SLC5A9: variants seen among roughly 807,000 people sequenced by gnomAD.
SLC5A9 encodes solute carrier family 5 member 9.
A neutral mutation model predicts 70.9 loss-of-function variants in SLC5A9; 59 were observed. The ratio of observed to expected loss-of-function variants is 0.83; its 90% CI spans 0.68 to 1.03. The LOEUF is 1.03. Ranked by LOEUF, SLC5A9 falls within the 50% of genes least tolerant of loss-of-function variation. The probability of loss-of-function intolerance (pLI) is 0.00; values close to 1 mark genes in which losing one functional copy is unlikely to be tolerated. For synonymous variants in SLC5A9, 340 were observed against 346.5 expected (o/e 0.98, Z 0.21); for missense variants, 832 against 881.1 (o/e 0.94, Z 0.71).
chr1:48,241,890 C>T, intron 12 of SLC5A9: 1 of 456,062 alleles, frequency 2.2e-6, no homozygotes, highest in South Asian at 1.5e-5. Context: ...CCTCACCTGG[C>T]TCTTTCAGTC....
chr1:48,225,829 C>A lies in SLC5A9; in HGVS notation c.234+1034C>A, dbSNP rs191329195. Reference sequence around the variant, plus strand: ...TGTCACAATCACATACACTCACATGCAGTCTCACACTCATGCTCCTTTACA... The same window carrying A: ...TGTCACAATCACATACACTCACATGAAGTCTCACACTCATGCTCCTTTACA... On this transcript the variant is annotated intron_variant, in intron 2 of 13. Transcript: ENST00000438567. Among the ~76,000 whole-genome samples the A allele has an allele frequency of 1.3e-4, 20 of 152,286 alleles. No individual in the cohort carries two copies. In the East Asian group the frequency reaches 3.5e-3, roughly 26 times the overall value.
intron 5 of SLC5A9, 45 bp from the exon 6 acceptor site, chr1:48,231,500 C>T (rs773068561): frequency 1.4e-5 from 23 of 1,609,408 alleles, no homozygotes; most frequent in Non-Finnish European, 1.9e-5. Context: ...CCAGAGAGGA[C>T]CCCAAACTGG....
At chr1:48,243,889 A>G (rs1644419949) in intron 13 of SLC5A9, among the ~76,000 whole-genome samples, 1 of 152,244 alleles carries the variant, frequency 6.6e-6, no homozygotes, top group South Asian at 2.1e-4. Context: ...CCTCAGTGAA[A>G]GAAAGTCTTA....
intron 2 of SLC5A9, among the ~76,000 whole-genome samples, chr1:48,227,628 A>T (rs1644183147): frequency 6.8e-6 from 1 of 146,598 alleles, no homozygotes; most frequent in South Asian, 2.2e-4. Context: ...CATGTGTGAG[A>T]GTGTGTGTGT....
In SLC5A9 at chr1:48,247,476, A is replaced by G. The variant is rs758692069; in HGVS notation, c.1979A>G (p.His660Arg). The change falls in exon 14 of 14, where the codon CAT (histidine) becomes CGT (arginine). Residue 660 changes from histidine to arginine, a missense_variant. Coordinates refer to ENST00000438567, the MANE Select transcript of SLC5A9 (RefSeq NM_001011547.3). ...TSIEEEPLWR[H>R]VCNINAVLLL... The stretch of plus-strand genomic sequence containing the variant: ...ATTGAGGAGGAGCCACTCTGGAGAC[A>G]TGTCTGCAACATCAATGCTGTCCTT... 1.1e-5 allele frequency: 17 copies of G among 1,614,176 alleles called. No homozygotes were observed. The South Asian group carries it at 1.5e-4, about 15-fold the overall frequency.
Position 48,248,212 on chromosome 1 carries a change from C to T in SLC5A9, c.*669C>T, listed in dbSNP as rs1160759198. On this transcript the variant is annotated 3_prime_UTR_variant, in exon 14 of 14. Transcript: ENST00000438567. Reference sequence around the variant, plus strand: ...TATTTAAATTCTGCCTCTTCCTACTCTCTAACCCAAATATGCACAAACTCT... The same window carrying T: ...TATTTAAATTCTGCCTCTTCCTACTTTCTAACCCAAATATGCACAAACTCT... 2.6e-5 allele frequency: 4 copies of T among 153,002 alleles called. No homozygotes were observed. The highest frequency in any genetic ancestry group is 9.6e-5 in the African/African-American group (4 of 41,474). 9.5% of individuals were successfully genotyped at this position (153,002 alleles called of 1,614,324 possible). A position where few individuals can be genotyped will look rare whatever the true frequency, so the allele number is the denominator to read the frequency against.
chr1:48,242,412 A>C (rs755974566), intron 12 of SLC5A9, 45 bp from the exon 13 acceptor site: 1 of 1,538,572 alleles, frequency 6.5e-7, no homozygotes, highest in Non-Finnish European at 8.8e-7. Context: ...CTACAGCATG[A>C]CTTCTCTCCA....
intron 5 of SLC5A9, among the ~76,000 whole-genome samples, chr1:48,231,014 G>T (rs1487597256): frequency 6.6e-6 from 1 of 152,150 alleles, no homozygotes; most frequent in East Asian, 1.9e-4. Context: ...AAGACTAACT[G>T]CCTGGGGAGC....
chr1:48,224,080 G>A (rs1644109780), intron 1 of SLC5A9, among the ~76,000 whole-genome samples: 1 of 152,188 alleles, frequency 6.6e-6, no homozygotes, highest in South Asian at 2.1e-4. Context: ...GCTGCTTCAA[G>A]TTCATCCTTC....
intron 2 of SLC5A9, among the ~76,000 whole-genome samples, chr1:48,227,428 CAG>C (rs1410701698): frequency 3.4e-5 from 1 of 29,484 alleles, no homozygotes. Flanking sequence ...GCATGTGTGT[CAG>C]AGTGTGTGTG....
chr1:48,229,829 T>A (rs1352089034), intron 4 of SLC5A9, among the ~76,000 whole-genome samples: 1 of 152,168 alleles, frequency 6.6e-6, no homozygotes, highest in Admixed American at 6.5e-5. Flanking sequence ...CCTAGACAGG[T>A]CAAATGACTT....
chr1:48,247,420 G>C lies in SLC5A9; in HGVS notation c.1923G>C (p.Glu641Asp). Residue 641 changes from glutamate to aspartate, a missense_variant, in exon 14 of 14, where the codon GAG becomes GAC. Glu to Asp is a conservative substitution (Grantham distance 45). Coordinates refer to ENST00000438567, the MANE Select transcript of SLC5A9 (RefSeq NM_001011547.3). ...CGGAGCAGGCCCTGAGCCCAGCAGA[G>C]AAGGCTGCGCTAGAACAGAAGCTGA... Reference protein sequence around the residue: ...GTPEQALSPAEKAALEQKLTS... With the variant: ...GTPEQALSPADKAALEQKLTS... 1.9e-6 allele frequency: 3 copies of C among 1,614,220 alleles called. No individual in the cohort carries two copies. The highest frequency in any genetic ancestry group is 2.5e-6 in the Non-Finnish European group (3 of 1,180,046).
intron 11 of SLC5A9, 85 bp downstream of exon 11, chr1:48,237,932 A>G: frequency 1.4e-6 from 2 of 1,400,434 alleles, no homozygotes; most frequent in Non-Finnish European, 1.9e-6. Context: ...TGACCTTGAG[A>G]AAATCCACTT....
intron 12 of SLC5A9, among the ~76,000 whole-genome samples, chr1:48,240,123 C>T (rs892626716): frequency 5.9e-5 from 9 of 152,302 alleles, no homozygotes; most frequent in Admixed American, 3.3e-4. Context: ...AAAAGACCAC[C>T]GATTGGGTGA....
At chr1:48,229,197 G>A (rs1266491842) in intron 3 of SLC5A9, 98 bp from the exon 4 acceptor site, 29 of 1,614,038 alleles carry the variant, frequency 1.8e-5, no homozygotes, top group Non-Finnish European at 2.3e-5. Flanking sequence ...TTCTCTGTTC[G>A]GGGGCCTCCC....
Position 48,228,921 on chromosome 1 carries a change from C to T in SLC5A9, c.306C>T (p.Ala102=), listed in dbSNP as rs758945456. The change falls in exon 3 of 14, where the codon GCC becomes GCT. Residue 102 remains alanine, a synonymous_variant. Coordinates refer to ENST00000438567, the MANE Select transcript of SLC5A9 (RefSeq NM_001011547.3). ...LFIGLAGTGA[A]GGLAVGGFEW... ...TCGGCCTGGCTGGGACAGGGGCTGC[C>T]GGAGGCCTTGCCGTAGGTGGCTTCG... 66 of 1,613,356 alleles carry T rather than the reference C, an allele frequency of 4.1e-5. 1 individual carries two copies. The highest frequency in any genetic ancestry group is 9.9e-5 in the South Asian group (9 of 91,074).
intron 12 of SLC5A9, among the ~76,000 whole-genome samples, chr1:48,241,702 T>TTCTCTCTCTCTC (rs61544545): frequency 6.7e-6 from 1 of 149,380 alleles, no homozygotes; most frequent in African/African-American, 2.5e-5. Flanking sequence ...TGTGTACATG[T>TTCTCTCTCTCTC]TCTCTCTCTC....
intron 2 of SLC5A9, among the ~76,000 whole-genome samples, chr1:48,227,249 G>C (rs578255417): frequency 7.9e-4 from 116 of 147,376 alleles, no homozygotes; most frequent in African/African-American, 2.7e-3. Flanking sequence ...TACTGTGCCT[G>C]TGTGTGAGTG....
chr1:48,239,226 A>C lies in SLC5A9; in HGVS notation c.1462-96A>C. ...GATGGATTTGCCCAACATGGCAATA[A>C]ACCAGTGGGAGAGAGATTTGGGGAG... On this transcript the variant is annotated intron_variant, in intron 11 of 13. Coordinates refer to ENST00000438567, the MANE Select transcript of SLC5A9 (RefSeq NM_001011547.3). The surrounding 1 kb of genome is among the most constrained non-coding windows in gnomAD (Gnocchi z 4.2). The C allele has an allele frequency of 2.2e-6, 2 of 896,258 alleles. No homozygotes were observed. Among genetic ancestry groups the C allele is most frequent in the African/African-American group, 1.7e-5 (1 of 59,728 alleles). The allele number at this position is 896,258 out of a possible 1,614,324, so 55.5% of individuals were successfully genotyped here.
Sources: gnomAD v4.1 joint callset for allele counts (sites outside exome capture counted in the v4.1 genomes callset) on GRCh38, gnomAD v4.1.1 for gene constraint, Gnocchi (gnomAD v3.1) non-coding constraint, MANE v1.5 for transcripts, NCBI Gene and HGNC (gene_info 2026-07-23, HGNC 2026-07-21) for gene names.